The following ZFHX3 variants were observed in gnomAD, a reference collection of about 807,000 sequenced individuals.
ZFHX3 encodes zinc finger homeobox protein 3.
ZFHX3 carries 42 observed loss-of-function variants against 279.1 expected under a neutral mutation model. That is an observed-to-expected ratio of 0.15 (90% CI 0.12 to 0.19). The LOEUF is 0.19. Among genes scored for constraint, ZFHX3 ranks in the 10% least tolerant of loss-of-function variants. The pLI, the probability that ZFHX3 is intolerant of heterozygous loss-of-function variation, is 1.00. For missense variants in ZFHX3, 4,981 were observed against 4,754.0 expected, an observed-to-expected ratio of 1.05 and a Z score of -1.40; for synonymous variants, 2,293 against 1,957.8, an observed-to-expected ratio of 1.17 and a Z score of -4.52.
At chr16:73,030,637 G>GAA (rs200973195) in intron 1 of ZFHX3, among the ~76,000 whole-genome samples, 10 of 144,338 alleles carry the variant, frequency 6.9e-5, no homozygotes, top group Non-Finnish European at 1.2e-4. Flanking sequence ...AGGGAAAAGA[G>GAA]AAAAAAAAAA....
At chr16:73,559,006 C>T (rs182425661) in intron 2 of ZFHX3, among the ~76,000 whole-genome samples, 1 of 151,810 alleles carries the variant, frequency 6.6e-6, no homozygotes, top group South Asian at 2.1e-4. Flanking sequence ...TGAGCCACCT[C>T]CTCCTCTCCC....
chr16:72,805,677 C>T (rs1451795091), intron 7 of ZFHX3, among the ~76,000 whole-genome samples: 1 of 152,162 alleles, frequency 6.6e-6, no homozygotes, highest in African/African-American at 2.4e-5. Flanking sequence ...GCCAGTTGCT[C>T]ACTTCCTTTC....
intron 1 of ZFHX3, among the ~76,000 whole-genome samples, chr16:73,013,224 G>A (rs1336366040): frequency 6.6e-6 from 1 of 152,192 alleles, no homozygotes; most frequent in Non-Finnish European, 1.5e-5. Context: ...CTGAACCTTT[G>A]CTCTTATTCC....
intron 3 of ZFHX3, among the ~76,000 whole-genome samples, chr16:73,337,739 C>G (rs542374164): frequency 8.5e-5 from 13 of 152,088 alleles, no homozygotes; most frequent in African/African-American, 3.1e-4. Context: ...TAGGTCCCCA[C>G]TGTACTGGTC....
intron 1 of ZFHX3, among the ~76,000 whole-genome samples, chr16:73,836,183 G>A (rs1172928637): frequency 1.3e-5 from 2 of 152,156 alleles, no homozygotes; most frequent in African/African-American, 4.8e-5. Flanking sequence ...GTAAACTTAG[G>A]AGCATCTTCT....
At chr16:73,512,815 T>C (rs1299149024) in intron 2 of ZFHX3, among the ~76,000 whole-genome samples, 2 of 152,176 alleles carry the variant, frequency 1.3e-5, no homozygotes, top group Non-Finnish European at 2.9e-5. Flanking sequence ...AAATTTATTA[T>C]TTGAGAACAT....
chr16:73,100,754 C>T lies in ZFHX3; in HGVS notation c.-896-7156G>A, dbSNP rs569288002. ...CTGGGATTACAGGCACCCACCATCA[C>T]GCCTGGCTAATTTTTGTATTTTTGT... On this transcript the variant is annotated intron_variant, in intron 7 of 17. Coordinates refer to the ZFHX3 transcript ENST00000641206. Among the ~76,000 whole-genome samples, 243 of 152,128 alleles carry T rather than the reference C, an allele frequency of 1.6e-3. 1 individual carries two copies. In the Middle Eastern group the frequency reaches 0.041, roughly 26 times the overall value.
In ZFHX3 at chr16:72,793,913, G is replaced by A. The variant is rs2035801328; in HGVS notation, c.8769C>T (p.Pro2923=). 4 of 1,614,104 alleles carry A rather than the reference G, an allele frequency of 2.5e-6. No individual in the cohort carries two copies. The highest frequency in any genetic ancestry group is 1.7e-6 in the Non-Finnish European group (2 of 1,180,056). Residue 2923 remains proline, a synonymous_variant, in exon 9 of 10, where the codon CCC becomes CCT. Transcript: ENST00000268489. The surrounding 1 kb of genome is among the most constrained non-coding windows in gnomAD (Gnocchi z 4.3). ...CACTCGCACCAGGACTCGGGGAGCA[G>A]GGATCTGCAAGGCTTGAGGTTTCAC... is the stretch of plus-strand genomic sequence containing the variant. ...DYSETSSLAD[P]CSPSPGASGS...
intron 8 of ZFHX3, among the ~76,000 whole-genome samples, chr16:73,077,091 G>A (rs1965893632): frequency 6.6e-6 from 1 of 152,026 alleles, no homozygotes; most frequent in African/African-American, 2.4e-5. Context: ...ATAAATCTAG[G>A]CCCCAGGATA....
At chr16:73,019,669 T>C (rs569586318) in intron 1 of ZFHX3, among the ~76,000 whole-genome samples, 1 of 152,166 alleles carries the variant, frequency 6.6e-6, no homozygotes, top group Non-Finnish European at 1.5e-5. Context: ...TTGTGAGTCA[T>C]CACGACGCGC....
chr16:72,939,172 A>G (rs1435938534), intron 3 of ZFHX3, among the ~76,000 whole-genome samples: 1 of 152,200 alleles, frequency 6.6e-6, no homozygotes, highest in African/African-American at 2.4e-5. Context: ...GGAGGACCAC[A>G]GTGAAAACCA....
At chr16:73,477,638 A>G (rs891445360) in intron 2 of ZFHX3, among the ~76,000 whole-genome samples, 2 of 152,188 alleles carry the variant, frequency 1.3e-5, no homozygotes, top group Admixed American at 1.3e-4. Flanking sequence ...CAGGCTGCAC[A>G]CCACGGGCCC....
At chr16:73,232,791 G>T (rs1424622241) in intron 5 of ZFHX3, 1 of 152,248 alleles carries the variant, frequency 6.6e-6, no homozygotes. Context: ...GCAGTCGTGC[G>T]GTGTGACTTG....
intron 5 of ZFHX3, among the ~76,000 whole-genome samples, chr16:72,825,131 G>T (rs1225767712): frequency 6.6e-6 from 1 of 152,194 alleles, no homozygotes; most frequent in African/African-American, 2.4e-5. Flanking sequence ...GCCGAAAGAG[G>T]CCAAGTGCCT....
At chr16:73,760,725 A>G (rs994378671) in intron 1 of ZFHX3, among the ~76,000 whole-genome samples, 7 of 152,188 alleles carry the variant, frequency 4.6e-5, no homozygotes, top group Non-Finnish European at 8.8e-5. Context: ...GACAAAAAAC[A>G]CATGATTTTC....
At chr16:73,235,812 A>G (rs2012928938) in intron 5 of ZFHX3, among the ~76,000 whole-genome samples, 1 of 152,050 alleles carries the variant, frequency 6.6e-6, no homozygotes, top group Non-Finnish European at 1.5e-5. Context: ...CTGGGACTAT[A>G]GGCATGCGCC....
intron 2 of ZFHX3, among the ~76,000 whole-genome samples, chr16:73,616,477 T>G (rs1478782731): frequency 6.7e-6 from 1 of 150,092 alleles, no homozygotes; most frequent in African/African-American, 2.5e-5. Flanking sequence ...GCATTTTCCA[T>G]AGCCATTTAT....
At chr16:73,157,987 A>G (rs146738020) in intron 5 of ZFHX3, among the ~76,000 whole-genome samples, 3,237 of 152,246 alleles carry the variant, frequency 0.021, 48 homozygotes, top group Middle Eastern at 0.088. Flanking sequence ...TGTGAGGCCA[A>G]TGGAAACCAT....
In ZFHX3 at chr16:73,011,490, C is replaced by T. The variant is rs1435911263; in HGVS notation, c.-50+36262G>A. On this transcript the variant is annotated intron_variant, in intron 1 of 9. Transcript: ENST00000268489. ...GGGCGTGGTGGCTCATACCTGTAAT[C>T]CCAGTACTTTGGGAGGCCAAGGTGG... Among the ~76,000 whole-genome samples the T allele has an allele frequency of 2.0e-5, 3 of 150,310 alleles. No individual in the cohort carries two copies. The South Asian group carries it at 6.8e-4, about 34-fold the overall frequency.
Sources: gnomAD v4.1 joint callset for allele counts (sites outside exome capture counted in the v4.1 genomes callset) on GRCh38, gnomAD v4.1.1 for gene constraint, Gnocchi (gnomAD v3.1) non-coding constraint, MANE v1.5 for transcripts, NCBI Gene and HGNC (gene_info 2026-07-23, HGNC 2026-07-21) for gene names.